Variants in NOS2 observed in about 807,000 individuals in gnomAD.
The protein encoded by NOS2 is nitric oxide synthase, inducible.
Under a neutral mutation model 136.0 loss-of-function variants are expected in NOS2, and 96 were observed. The observed-to-expected ratio is 0.71, with a 90% confidence interval of 0.60 to 0.84. The LOEUF is 0.84. Ranked by LOEUF, NOS2 falls within the 40% of genes least tolerant of loss-of-function variation. NOS2 has a pLI of 0.00. For missense variants in NOS2, 1,237 were observed against 1,496.9 expected, an observed-to-expected ratio of 0.83 and a Z score of 2.87; for synonymous variants, 539 against 587.5, an observed-to-expected ratio of 0.92 and a Z score of 1.20.
At position 27,793,118 on chromosome 17, in the gene NOS2, A is replaced by T. The variant is rs1028232875; in HGVS notation, c.111-3430T>A. ...GCTTGCCTGGGCTGACCTGGGGGCC[A>T]GATTCCCCTGCGGTTCCGACGCCTC... is the stretch of plus-strand genomic sequence containing the variant. On this transcript the variant is annotated intron_variant, in intron 2 of 26. Coordinates refer to ENST00000313735, the MANE Select transcript of NOS2 (RefSeq NM_000625.4). Among the ~76,000 whole-genome samples the T allele has an allele frequency of 2.8e-5, 4 of 140,460 alleles. No homozygotes were observed. In the South Asian group the frequency reaches 7.3e-4, roughly 26 times the overall value. 92.1% of individuals were successfully genotyped at this position (140,460 alleles called of 152,430 possible). A position where few individuals can be genotyped will look rare whatever the true frequency, so the allele number is the denominator to read the frequency against.
At chr17:27,797,175 G>A (rs1208979643) in intron 2 of NOS2, among the ~76,000 whole-genome samples, 1 of 152,154 alleles carries the variant, frequency 6.6e-6, no homozygotes, top group Non-Finnish European at 1.5e-5. Context: ...CTCTGCACCT[G>A]TCTACATTCT....
At chr17:27,800,218 A>G (rs1909487291) in intron 1 of NOS2, 121 bp downstream of exon 1, 1 of 152,222 alleles carries the variant, frequency 6.6e-6, no homozygotes, top group South Asian at 2.1e-4. Context: ...TTTTTTACCT[A>G]GACTTTCCAA....
intron 16 of NOS2, 130 bp from the exon 17 acceptor site, chr17:27,769,281 C>A (rs1207710673): frequency 1.0e-6 from 1 of 954,158 alleles, no homozygotes; most frequent in East Asian, 2.6e-5. Context: ...GCTGGACCCC[C>A]TTCTGGTCCT....
chr17:27,788,758 A>T (rs1238418337), intron 4 of NOS2, 51 bp downstream of exon 4: 1 of 1,581,760 alleles, frequency 6.3e-7, no homozygotes, highest in Non-Finnish European at 8.6e-7. Context: ...AAGCCCTGGC[A>T]GCTTCACCAG....
chr17:27,756,924 G>T lies in NOS2; in HGVS notation c.*322C>A. ...CAGTTAAATACACAGTGGTGCGATA[G>T]CACCTCCTGGTGGTCACTTGAAGTG... On this transcript the variant is annotated 3_prime_UTR_variant, in exon 27 of 27. Transcript: ENST00000313735. The T allele has an allele frequency of 3.1e-6, 1 of 320,382 alleles. No individual in the cohort carries two copies. Among genetic ancestry groups the T allele is most frequent in the Non-Finnish European group, 5.6e-6 (1 of 177,572 alleles). The allele number at this position is 320,382 out of a possible 1,614,324, so 19.8% of individuals were successfully genotyped here.
rs1908854888 is a variant in NOS2 at position 27,781,766 on chromosome 17, C to A, written c.722+249G>T. On this transcript the variant is annotated intron_variant, in intron 7 of 26. Coordinates refer to ENST00000313735, the MANE Select transcript of NOS2 (RefSeq NM_000625.4). ...GTGAAGCAGTTACTTCTTAAAGATC[C>A]TCCATCCCCTCCAAGTGGCTCCACA... is the stretch of plus-strand genomic sequence containing the variant. Among the ~76,000 whole-genome samples the A allele has an allele frequency of 2.6e-5, 4 of 152,190 alleles. No homozygotes were observed. In the South Asian group the frequency reaches 8.3e-4, roughly 32 times the overall value.
chr17:27,783,163 T>A, intron 5 of NOS2, 57 bp from the exon 6 acceptor site: 2 of 1,569,166 alleles, frequency 1.3e-6, no homozygotes, highest in South Asian at 2.3e-5. Flanking sequence ...ACATGGGGAT[T>A]AATTCAATCC....
intron 3 of NOS2, among the ~76,000 whole-genome samples, 182 bp from the exon 4 acceptor site, chr17:27,789,113 G>A (rs973594003): frequency 6.6e-6 from 1 of 152,178 alleles, no homozygotes; most frequent in African/African-American, 2.4e-5. Context: ...CCAGGTGCCT[G>A]GGCCACTGGC....
chr17:27,784,160 A>T (rs1229272630), intron 5 of NOS2, among the ~76,000 whole-genome samples: 1 of 151,088 alleles, frequency 6.6e-6, no homozygotes, highest in Non-Finnish European at 1.5e-5. Flanking sequence ...ACACACACAC[A>T]CTACCACCAC....
intron 13 of NOS2, 30 bp downstream of exon 13, chr17:27,773,131 T>A (rs1312877715): frequency 6.5e-7 from 1 of 1,540,380 alleles, no homozygotes; most frequent in South Asian, 1.1e-5. Context: ...AGTTCACACA[T>A]CACTACTAGC....
chr17:27,770,509 C>T (rs1344654422), intron 15 of NOS2, among the ~76,000 whole-genome samples: 2 of 152,128 alleles, frequency 1.3e-5, no homozygotes, highest in East Asian at 3.9e-4. Context: ...AATAAATAAA[C>T]AAACAAACAC....
Position 27,761,298 on chromosome 17 carries a change from C to T in NOS2, c.2801-67G>A, listed in dbSNP as rs535199344. The T allele has an allele frequency of 2.0e-3, 2,434 of 1,190,374 alleles. 9 individuals carry two copies. Among genetic ancestry groups the T allele is most frequent in the South Asian group, 5.0e-3 (366 of 72,868 alleles). 73.7% of individuals were successfully genotyped at this position (1,190,374 alleles called of 1,614,324 possible). ...CATGCGCAAACTGTACCAGCTGCTC[C>T]GCCCACACCACGGCCCTCCTTGGAC... On this transcript the variant is annotated intron_variant, in intron 22 of 26. Coordinates refer to ENST00000313735, the MANE Select transcript of NOS2 (RefSeq NM_000625.4).
At chr17:27,760,581 G>C in intron 24 of NOS2, 42 bp downstream of exon 24, 4 of 1,550,504 alleles carry the variant, frequency 2.6e-6, no homozygotes, top group Non-Finnish European at 3.5e-6. Flanking sequence ...GCAGGCGCTG[G>C]CCCCCTGGTG....
In NOS2 at chr17:27,788,940, G is replaced by A. The variant is rs774750778; in HGVS notation, c.196-9C>T. On this transcript the variant is annotated splice_polypyrimidine_tract_variant and intron_variant, in intron 3 of 26. Coordinates refer to ENST00000313735, the MANE Select transcript of NOS2 (RefSeq NM_000625.4). ...AGAGATTCTGGAGACTTCTGCAAGG[G>A]GAAAAAACAGGGTTTTCTCTCAGGT... The A allele has an allele frequency of 6.2e-7, 1 of 1,611,342 alleles. No homozygotes were observed. The highest frequency in any genetic ancestry group is 8.5e-7 in the Non-Finnish European group (1 of 1,178,738).
intron 5 of NOS2, among the ~76,000 whole-genome samples, chr17:27,784,213 C>A (rs1031911291): frequency 4.0e-5 from 6 of 151,756 alleles, no homozygotes; most frequent in Admixed American, 1.3e-4. Flanking sequence ...AGCACCAAAG[C>A]CTTTTGAAAC....
At chr17:27,766,229 T>C (rs991219513) in intron 19 of NOS2, among the ~76,000 whole-genome samples, 1 of 152,180 alleles carries the variant, frequency 6.6e-6, no homozygotes, top group Non-Finnish European at 1.5e-5. Flanking sequence ...TAAGTCTCTC[T>C]TGCACTCTCC....
rs200815966 is a variant in NOS2 at position 27,769,003 on chromosome 17, G to A, written c.2008C>T (p.Arg670Cys). 1.6e-5 allele frequency: 26 copies of A among 1,610,506 alleles called. No homozygotes were observed. The highest frequency in any genetic ancestry group is 1.1e-4 in the East Asian group (5 of 44,856). Reference sequence around the variant, plus strand: ...TTGAAGGTTTGCACGGCCCAGCTGCGGAAGGCGTCCTCCTGCCCACTGAGC... The same window carrying A: ...TTGAAGGTTTGCACGGCCCAGCTGCAGAAGGCGTCCTCCTGCCCACTGAGC... ...DELSGQEDAF[R>C]SWAVQTFKAA... The change falls in exon 17 of 27, where the codon CGC becomes TGC. Residue 670 changes from arginine (R) to cysteine (C), a missense_variant. Transcript: ENST00000313735.
chr17:27,758,098 G>C (rs1907985427), intron 26 of NOS2, among the ~76,000 whole-genome samples: 1 of 152,122 alleles, frequency 6.6e-6, no homozygotes, highest in African/African-American at 2.4e-5. Context: ...TCTTGTCTGG[G>C]TTTGTCAGCC....
In NOS2 at chr17:27,760,616, G is replaced by A. The variant is rs1239644982; in HGVS notation, c.3010+7C>T. The A allele has an allele frequency of 1.9e-6, 3 of 1,552,958 alleles. No homozygotes were observed. Among genetic ancestry groups the A allele is most frequent in the Admixed American group, 2.0e-5 (1 of 51,238 alleles). On this transcript the variant is annotated splice_region_variant and intron_variant, in intron 24 of 26. Coordinates refer to ENST00000313735, the MANE Select transcript of NOS2 (RefSeq NM_000625.4). Reference sequence around the variant, plus strand: ...GCCCCTCCCACCTGGGAAGCCTCCAGCCTTACCCTTGTGCTGGGAGTCATG... The same window carrying A: ...GCCCCTCCCACCTGGGAAGCCTCCAACCTTACCCTTGTGCTGGGAGTCATG...
Sources: allele counts gnomAD v4.1 joint callset (sites outside exome capture counted in the v4.1 genomes callset), GRCh38; gene constraint gnomAD v4.1.1; transcripts MANE v1.5; gene names NCBI Gene and HGNC (gene_info 2026-07-23, HGNC 2026-07-21).